PATJ: variants seen among roughly 807,000 people sequenced by gnomAD.
PATJ encodes the protein inaD-like protein.
Under a neutral mutation model 224.9 loss-of-function variants are expected in PATJ, and 190 were observed. The ratio of observed to expected loss-of-function variants is 0.84; its 90% CI spans 0.75 to 0.95. The LOEUF (loss-of-function observed/expected upper bound fraction) is 0.95, where lower values mean the gene tolerates loss of function less well. Among genes scored for constraint, PATJ ranks in the 40% least tolerant of loss-of-function variants. The pLI is 0.00. For synonymous variants in PATJ, 769 were observed against 820.3 expected, an observed-to-expected ratio of 0.94 and a Z score of 1.07; for missense variants, 2,121 against 2,270.3, an observed-to-expected ratio of 0.93 and a Z score of 1.34.
At chr1:61,950,203 A>C (rs1268616508) in intron 27 of PATJ, among the ~76,000 whole-genome samples, 2 of 152,218 alleles carry the variant, frequency 1.3e-5, no homozygotes, top group Non-Finnish European at 2.9e-5. Flanking sequence ...GACTCCACCT[A>C]AAAAATAAAT....
chr1:61,919,992 C>A (rs929896806), intron 26 of PATJ, among the ~76,000 whole-genome samples: 3 of 152,078 alleles, frequency 2.0e-5, no homozygotes, highest in Non-Finnish European at 4.4e-5. Context: ...ATCAAACTAA[C>A]TATTTGAGTT....
rs187481222 is a variant in PATJ, at chr1:61,998,636, C to T, written c.3867+8272C>T. On this transcript the variant is annotated intron_variant, in intron 28 of 43. Coordinates refer to ENST00000642238, the MANE Select transcript of PATJ (RefSeq NM_001350145.3). ...AGAAGAAGAAAATTTATTTTTTGAG[C>T]TTGTTCTTGCACTAGGAGAGCTTGT... Among the ~76,000 whole-genome samples the T allele has an allele frequency of 1.7e-3, 257 of 152,282 alleles. 1 individual carries two copies. Among genetic ancestry groups the T allele is most frequent in the African/African-American group, 5.8e-3 (243 of 41,554 alleles).
intron 37 of PATJ, 123 bp from the exon 38 acceptor site, chr1:62,121,055 GCCT>G: frequency 1.6e-6 from 1 of 619,274 alleles, no homozygotes; most frequent in Admixed American, 3.0e-5. Flanking sequence ...TTCTTTCCTG[GCCT>G]CCTCACGATT....
chr1:62,125,962 G>T (rs76600256), intron 39 of PATJ, among the ~76,000 whole-genome samples: 1,990 of 152,262 alleles, frequency 0.013, 39 homozygotes, highest in East Asian at 0.078. Context: ...GTAGAGACAG[G>T]GTTTCGCCAT....
At chr1:62,024,448 C>T (rs1647380877) in intron 29 of PATJ, among the ~76,000 whole-genome samples, 1 of 151,998 alleles carries the variant, frequency 6.6e-6, no homozygotes, top group African/African-American at 2.4e-5. Flanking sequence ...TTTGCTACGT[C>T]CATTCCTTAA....
At chr1:61,827,653 G>A in intron 16 of PATJ, 70 bp downstream of exon 16, 1 of 1,421,604 alleles carries the variant, frequency 7.0e-7, no homozygotes, top group Non-Finnish European at 9.5e-7. Context: ...AGACTGTGCT[G>A]CAATAAGAAG....
intron 38 of PATJ, among the ~76,000 whole-genome samples, chr1:62,121,767 C>CCG (rs2148917813): frequency 8.6e-6 from 1 of 116,580 alleles, no homozygotes; most frequent in Non-Finnish European, 1.7e-5. Flanking sequence ...GAGCAAGACT[C>CCG]CGTCTCCAGA....
rs148691241 is a variant in PATJ at position 61,935,379 on chromosome 1, T to C, written c.3670+7550T>C. Among the ~76,000 whole-genome samples, 71 of 152,358 alleles carry C rather than the reference T, an allele frequency of 4.7e-4. 1 individual carries two copies. The highest frequency in any genetic ancestry group is 1.5e-3 in the African/African-American group (64 of 41,588). ...CGCTGTCATAGGTATTTTGTTTTTCTACCCTAATTTTGTTTTTCCACCCTA... is the reference window on the plus strand; with the variant it reads ...CGCTGTCATAGGTATTTTGTTTTTCCACCCTAATTTTGTTTTTCCACCCTA... On this transcript the variant is annotated intron_variant, in intron 27 of 43. Coordinates refer to ENST00000642238, the MANE Select transcript of PATJ (RefSeq NM_001350145.3).
Position 61,927,903 on chromosome 1 carries a change from C to T in PATJ, c.3670+74C>T, listed in dbSNP as rs117650593. ...TGTTTTAACGACTGTTGTAAATTATCAAATATATGGCTGTGAGTTCTTCAA... is the reference window on the plus strand; with the variant it reads ...TGTTTTAACGACTGTTGTAAATTATTAAATATATGGCTGTGAGTTCTTCAA... On this transcript the variant is annotated intron_variant, in intron 27 of 43. Coordinates refer to ENST00000642238, the MANE Select transcript of PATJ (RefSeq NM_001350145.3). 6.0e-4 allele frequency: 632 copies of T among 1,045,004 alleles called. 5 individuals are homozygous for T. The East Asian group carries it at 6.3e-3, about 10-fold the overall frequency. 64.7% of individuals were successfully genotyped at this position (1,045,004 alleles called of 1,614,324 possible). A position where few individuals can be genotyped will look rare whatever the true frequency, so the allele number is the denominator to read the frequency against.
intron 5 of PATJ, 110 bp from the exon 6 acceptor site, chr1:61,771,321 A>C: frequency 1.8e-6 from 1 of 542,654 alleles, no homozygotes; most frequent in South Asian, 3.6e-5. Flanking sequence ...TTATTTGATA[A>C]ATGTACTAAG....
intron 30 of PATJ, among the ~76,000 whole-genome samples, chr1:62,039,742 C>T (rs931783566): frequency 1.5e-4 from 23 of 152,240 alleles, no homozygotes; most frequent in African/African-American, 3.9e-4. Flanking sequence ...GTAACTGCTT[C>T]GCTTTTGGAG....
rs11331898 is a variant in PATJ at position 61,903,775 on chromosome 1, C to CT, written c.3381+2331dup. Among the ~76,000 whole-genome samples the CT allele has an allele frequency of 4.6e-4, 61 of 131,602 alleles. 1 individual carries two copies. The highest frequency in any genetic ancestry group is 7.8e-4 in the Non-Finnish European group (48 of 61,462). The allele number at this position is 131,602 out of a possible 152,430, so 86.3% of individuals were successfully genotyped here. ...AGTTATTAATTTACATGGTACTTTG[C>CT]TTTTTTTTTTTTTTTGAGATGGAGT... On this transcript the variant is annotated intron_variant, in intron 24 of 43. Coordinates refer to ENST00000642238, the MANE Select transcript of PATJ (RefSeq NM_001350145.3).
chr1:61,754,119 T>C (rs535023105), intron 1 of PATJ, among the ~76,000 whole-genome samples: 1 of 152,310 alleles, frequency 6.6e-6, no homozygotes, highest in South Asian at 2.1e-4. Context: ...GCTGTCCAAC[T>C]ATGAGGACAG....
chr1:62,074,729 T>G (rs1471696460), intron 31 of PATJ, among the ~76,000 whole-genome samples: 1 of 152,108 alleles, frequency 6.6e-6, no homozygotes, highest in African/African-American at 2.4e-5. Context: ...TTTGGGAGGC[T>G]GAAACGGGTG....
At chr1:61,911,694 T>TA (rs1253675748) in intron 25 of PATJ, among the ~76,000 whole-genome samples, 1,426 of 122,086 alleles carry the variant, frequency 0.012, 15 homozygotes, top group Admixed American at 0.018. Context: ...TCTATATATT[T>TA]TTATATATAT....
At chr1:61,829,477 C>T (rs1658927202) in intron 16 of PATJ, among the ~76,000 whole-genome samples, 1 of 152,198 alleles carries the variant, frequency 6.6e-6, no homozygotes, top group South Asian at 2.1e-4. Context: ...TGCTGACTCT[C>T]TGCCCCCGTC....
chr1:62,023,779 C>CTG (rs974884526), intron 29 of PATJ, among the ~76,000 whole-genome samples: 19 of 152,136 alleles, frequency 1.2e-4, no homozygotes, highest in African/African-American at 4.1e-4. Flanking sequence ...GTAAGTATAA[C>CTG]TGTGTATGTC....
intron 24 of PATJ, among the ~76,000 whole-genome samples, 190 bp from the exon 25 acceptor site, chr1:61,908,182 A>G (rs1218314105): frequency 6.6e-6 from 1 of 152,162 alleles, no homozygotes; most frequent in Non-Finnish European, 1.5e-5. Flanking sequence ...TGAAGGTGAA[A>G]TGTTACTTTC....
chr1:62,095,678 GT>G (rs199629849), intron 33 of PATJ, among the ~76,000 whole-genome samples: 65 of 151,536 alleles, frequency 4.3e-4, no homozygotes, highest in African/African-American at 1.1e-3. Flanking sequence ...GTGCTTCCCA[GT>G]TTTTTTTTGT....
Sources: allele counts gnomAD v4.1 joint callset (sites outside exome capture counted in the v4.1 genomes callset), GRCh38; gene constraint gnomAD v4.1.1; transcripts MANE v1.5; gene names NCBI Gene and HGNC (gene_info 2026-07-23, HGNC 2026-07-21).